The following FRAS1 variants were observed in gnomAD, a reference collection of about 807,000 sequenced individuals.
FRAS1 encodes the protein extracellular matrix organizing protein FRAS1.
Under a neutral mutation model 435.2 loss-of-function variants are expected in FRAS1, and 290 were observed. That is an observed-to-expected ratio of 0.67 (90% CI 0.61 to 0.73). FRAS1 has a LOEUF of 0.73. FRAS1 is among the 30% of genes least tolerant of loss of function. The pLI is 0.00. For missense variants in FRAS1, 4,860 were observed against 5,001.5 expected (o/e 0.97, Z 0.85); for synonymous variants, 1,800 against 1,851.0 (o/e 0.97, Z 0.71).
At chr4:78,101,859 G>A (rs1742148539) in intron 2 of FRAS1, among the ~76,000 whole-genome samples, 1 of 152,106 alleles carries the variant, frequency 6.6e-6, no homozygotes, top group Non-Finnish European at 1.5e-5. Context: ...TACATCCATC[G>A]AGGCAGAGTG....
intron 24 of FRAS1, 57 bp from the exon 25 acceptor site, chr4:78,374,054 G>A (rs1422424923): frequency 4.7e-6 from 7 of 1,504,174 alleles, no homozygotes; most frequent in Non-Finnish European, 6.3e-6. Context: ...TTCCACAAAG[G>A]CCTGGAGCCC....
rs796766085 is a variant in FRAS1, at chr4:78,264,786, T to A, written c.604-239T>A. ...CCATTATTATTGTTATTTGTGCTTT[T>A]CTTTGTTTTTAAAATAAGACAGGAC... On this transcript the variant is annotated intron_variant, in intron 6 of 73. Coordinates refer to ENST00000512123, the MANE Select transcript of FRAS1 (RefSeq NM_025074.7). 2.6e-5 allele frequency: 15 copies of A among 572,998 alleles called. No individual in the cohort carries two copies. The African/African-American group carries it at 2.8e-4, about 11-fold the overall frequency. The allele number at this position is 572,998 out of a possible 1,614,324, so 35.5% of individuals were successfully genotyped here.
intron 1 of FRAS1, among the ~76,000 whole-genome samples, chr4:78,060,203 T>C (rs886537365): frequency 1.3e-5 from 2 of 152,180 alleles, no homozygotes; most frequent in African/African-American, 4.8e-5. Context: ...AAAAAAACAT[T>C]TGTCATCTGA....
Position 78,477,938 on chromosome 4 carries a change from G to T in FRAS1, c.7975G>T (p.Glu2659Ter). The change falls in exon 55 of 74, where the codon GAA becomes TAA. Residue 2659 changes from glutamate (E) to a stop codon, truncating the protein, a stop_gained. Transcript: ENST00000512123. LOFTEE classifies it high-confidence loss of function. Reference sequence around the variant, plus strand: ...CATGCCAGCTTATGCCCTGTTAGGGGAATTCACCCAGGCGAAGGTCATTAT... The same window carrying T: ...CATGCCAGCTTATGCCCTGTTAGGGTAATTCACCCAGGCGAAGGTCATTAT... The part of the protein sequence containing the change: ...LSMPAYALLG[E>*]FTQAKVIIND... 6.2e-7 allele frequency: 1 copy of T among 1,613,550 alleles called. No homozygotes were observed. Among genetic ancestry groups the T allele is most frequent in the East Asian group, 2.2e-5 (1 of 44,806 alleles).
At chr4:78,149,056 G>A (rs1158877149) in intron 2 of FRAS1, among the ~76,000 whole-genome samples, 2 of 152,112 alleles carry the variant, frequency 1.3e-5, no homozygotes, top group African/African-American at 2.4e-5. Context: ...GCTGAATAAA[G>A]CAACAGACTT....
At chr4:78,267,492 G>T in intron 9 of FRAS1, 60 bp downstream of exon 9, 1 of 1,502,182 alleles carries the variant, frequency 6.7e-7, no homozygotes, top group Non-Finnish European at 9.1e-7. Flanking sequence ...GGATAGTGAG[G>T]GGTCCTGCCT....
intron 32 of FRAS1, among the ~76,000 whole-genome samples, chr4:78,417,439 C>T (rs1733596257): frequency 6.6e-6 from 1 of 152,106 alleles, no homozygotes; most frequent in African/African-American, 2.4e-5. Context: ...TAGTTGTACC[C>T]ACATGTGTAC....
chr4:78,226,206 CAT>C (rs780625062), intron 2 of FRAS1, among the ~76,000 whole-genome samples: 67 of 152,222 alleles, frequency 4.4e-4, no homozygotes, highest in Middle Eastern at 3.4e-3. Flanking sequence ...TGTATTTACA[CAT>C]GTGTTAAATC....
chr4:78,434,541 C>G (rs1364035611), intron 38 of FRAS1, among the ~76,000 whole-genome samples: 1 of 152,060 alleles, frequency 6.6e-6, no homozygotes, highest in Non-Finnish European at 1.5e-5. Context: ...AAATATGATT[C>G]TGTGTATAAT....
In FRAS1 at chr4:78,374,107, T is replaced by A. The variant is rs752982460; in HGVS notation, c.3011-4T>A. 22 of 1,568,796 alleles carry A rather than the reference T, an allele frequency of 1.4e-5. No homozygotes were observed. Among genetic ancestry groups the A allele is most frequent in the Non-Finnish European group, 1.8e-5 (21 of 1,148,332 alleles). On this transcript the variant is annotated splice_region_variant and splice_polypyrimidine_tract_variant and intron_variant, in intron 24 of 73. Transcript: ENST00000512123. Reference sequence around the variant, plus strand: ...TTCCTGATGACTTGACTTTTGTCTTTCAGACTGTGACAGCTACTGTCTCCA... The same window carrying A: ...TTCCTGATGACTTGACTTTTGTCTTACAGACTGTGACAGCTACTGTCTCCA...
intron 2 of FRAS1, among the ~76,000 whole-genome samples, chr4:78,141,500 T>G (rs1720180854): frequency 6.6e-6 from 1 of 152,138 alleles, no homozygotes; most frequent in African/African-American, 2.4e-5. Flanking sequence ...AAAAATCTTC[T>G]GCTTAAAGGC....
intron 2 of FRAS1, among the ~76,000 whole-genome samples, chr4:78,123,493 G>T (rs1156982181): frequency 6.6e-6 from 1 of 152,098 alleles, no homozygotes; most frequent in African/African-American, 2.4e-5. Context: ...GTTTTAAGTA[G>T]TTTTTTCCAG....
At chr4:78,244,236 A>G (rs1725136118) in intron 3 of FRAS1, among the ~76,000 whole-genome samples, 1 of 152,078 alleles carries the variant, frequency 6.6e-6, no homozygotes. Flanking sequence ...CCAAAAATAA[A>G]TAATAAATAT....
intron 2 of FRAS1, among the ~76,000 whole-genome samples, chr4:78,161,593 A>G (rs1721138918): frequency 6.6e-6 from 1 of 151,942 alleles, no homozygotes; most frequent in East Asian, 1.9e-4. Context: ...CTACTTTATT[A>G]CATCTTTTAT....
chr4:78,104,072 C>A (rs1742269422), intron 2 of FRAS1, among the ~76,000 whole-genome samples: 1 of 152,170 alleles, frequency 6.6e-6, no homozygotes, highest in East Asian at 1.9e-4. Flanking sequence ...TAGCTAGTAC[C>A]TCCTGCATCA....
intron 28 of FRAS1, among the ~76,000 whole-genome samples, chr4:78,384,726 T>C (rs917776264): frequency 6.9e-6 from 1 of 145,280 alleles, no homozygotes; most frequent in Admixed American, 7.0e-5. Flanking sequence ...AAACCCCGTC[T>C]ATACCGAAAC....
At chr4:78,408,351 A>G (rs1733186699) in intron 31 of FRAS1, among the ~76,000 whole-genome samples, 1 of 152,210 alleles carries the variant, frequency 6.6e-6, no homozygotes, top group Non-Finnish European at 1.5e-5. Context: ...TCATAGCATT[A>G]GGAGTTTTTT....
At chr4:78,391,102 C>A (rs1386086289) in intron 29 of FRAS1, among the ~76,000 whole-genome samples, 1 of 152,154 alleles carries the variant, frequency 6.6e-6, no homozygotes, top group Non-Finnish European at 1.5e-5. Context: ...TGTGTTCCTG[C>A]CTTCCAATTC....
At chr4:78,384,622 AG>A (rs1486486375) in intron 28 of FRAS1, among the ~76,000 whole-genome samples, 1 of 152,074 alleles carries the variant, frequency 6.6e-6, no homozygotes. Context: ...GGCAGGGTGC[AG>A]TGGCTCATGC....
Sources: allele counts gnomAD v4.1 joint callset (sites outside exome capture counted in the v4.1 genomes callset), GRCh38; gene constraint gnomAD v4.1.1; transcripts MANE v1.5; gene names NCBI Gene and HGNC (gene_info 2026-07-23, HGNC 2026-07-21).